Variants in PHTF2 observed in about 807,000 individuals in gnomAD.
PHTF2 encodes putative homeodomain transcription factor 2.
In PHTF2, 60 loss-of-function variants were observed where a neutral mutation model predicts 101.2. That is an observed-to-expected ratio of 0.59 (90% CI 0.48 to 0.73). The LOEUF (loss-of-function observed/expected upper bound fraction) is 0.73. Among genes scored for constraint, PHTF2 ranks in the 30% least tolerant of loss-of-function variants. PHTF2 has a pLI of 0.00. For missense variants in PHTF2, 747 were observed against 908.7 expected, an observed-to-expected ratio of 0.82 and a Z score of 2.29; for synonymous variants, 311 against 307.3, an observed-to-expected ratio of 1.01 and a Z score of -0.13.
At chr7:77,863,546 A>G (rs976987520) in intron 3 of PHTF2, among the ~76,000 whole-genome samples, 3 of 152,148 alleles carry the variant, frequency 2.0e-5, no homozygotes, top group African/African-American at 7.2e-5. Context: ...AGTTTTACCT[A>G]TAGAGATTGA....
intron 3 of PHTF2, among the ~76,000 whole-genome samples, chr7:77,857,973 C>T (rs1228236736): frequency 6.6e-6 from 1 of 152,136 alleles, no homozygotes; most frequent in Non-Finnish European, 1.5e-5. Flanking sequence ...AATGAAAAAT[C>T]TGAAATACTA....
chr7:77,841,074 A>ATTTTTTTTTTTTT (rs1562863302), intron 2 of PHTF2, among the ~76,000 whole-genome samples: 24 of 51,390 alleles, frequency 4.7e-4, no homozygotes, highest in African/African-American at 7.4e-4. Context: ...GAAAAAACAG[A>ATTTTTTTTTTTTT]CTTTTTTTTT....
intron 2 of PHTF2, 30 bp downstream of exon 2, chr7:77,840,330 C>G: frequency 6.8e-7 from 1 of 1,460,982 alleles, no homozygotes; most frequent in Non-Finnish European, 9.6e-7. Context: ...TTTTAGCTTT[C>G]TAAATGTTTG....
At chr7:77,878,503 C>G (rs938781497) in intron 3 of PHTF2, among the ~76,000 whole-genome samples, 3 of 151,948 alleles carry the variant, frequency 2.0e-5, no homozygotes, top group African/African-American at 7.3e-5. Context: ...TGACCTCTGG[C>G]TACATGACTC....
intron 3 of PHTF2, among the ~76,000 whole-genome samples, chr7:77,865,762 A>G (rs1030213041): frequency 3.9e-5 from 6 of 152,096 alleles, no homozygotes; most frequent in Non-Finnish European, 7.3e-5. Context: ...TTAAACTTCT[A>G]ATTTATATAG....
chr7:77,862,694 T>C (rs1378605668), intron 3 of PHTF2, among the ~76,000 whole-genome samples: 17 of 152,234 alleles, frequency 1.1e-4, no homozygotes, highest in Admixed American at 1.1e-3. Flanking sequence ...TTTCATTTTT[T>C]GATGAATAGG....
At chr7:77,838,163 G>A (rs543992950) in intron 1 of PHTF2, among the ~76,000 whole-genome samples, 48 of 152,270 alleles carry the variant, frequency 3.2e-4, no homozygotes, top group Admixed American at 3.1e-3. Context: ...AGCAAAATCA[G>A]TGGGGCAAAC....
At chr7:77,920,551 CTAAG>C (rs1803357421) in intron 10 of PHTF2, 86 bp downstream of exon 9, 10 of 902,424 alleles carry the variant, frequency 1.1e-5, no homozygotes, top group Admixed American at 7.2e-5. Context: ...TGCCCTTGAA[CTAAG>C]TATTTTCTCC....
intron 3 of PHTF2, among the ~76,000 whole-genome samples, chr7:77,875,970 C>G (rs993230410): frequency 6.6e-6 from 1 of 152,118 alleles, no homozygotes; most frequent in Non-Finnish European, 1.5e-5. Flanking sequence ...CTGCTATTAT[C>G]CTGATTTTAT....
At chr7:77,841,469 T>A (rs1795882766) in intron 2 of PHTF2, among the ~76,000 whole-genome samples, 2 of 152,162 alleles carry the variant, frequency 1.3e-5, no homozygotes, top group Non-Finnish European at 2.9e-5. Context: ...ATGGCCTTTT[T>A]AAAAATATTT....
intron 3 of PHTF2, among the ~76,000 whole-genome samples, chr7:77,872,724 G>C (rs550985711): frequency 6.6e-6 from 1 of 152,274 alleles, no homozygotes; most frequent in African/African-American, 2.4e-5. Flanking sequence ...TAGTTCACAA[G>C]GCATTGGTCA....
At chr7:77,920,566 A>G in intron 10 of PHTF2, 101 bp downstream of exon 9, 2 of 795,476 alleles carry the variant, frequency 2.5e-6, no homozygotes, top group Non-Finnish European at 2.1e-6. Flanking sequence ...TATTTTCTCC[A>G]GAATTAATTC....
intron 3 of PHTF2, among the ~76,000 whole-genome samples, chr7:77,886,711 A>G (rs1489313349): frequency 6.6e-6 from 1 of 152,146 alleles, no homozygotes; most frequent in Non-Finnish European, 1.5e-5. Flanking sequence ...CTGGTTTATA[A>G]AAGTAGTACA....
At chr7:77,808,666 T>C (rs1793176986) in intron 1 of PHTF2, among the ~76,000 whole-genome samples, 1 of 152,214 alleles carries the variant, frequency 6.6e-6, no homozygotes, top group Admixed American at 6.5e-5. Context: ...TGCAGCTCTC[T>C]CCTCTTTGGA....
chr7:77,880,359 A>G (rs1486646065), intron 3 of PHTF2, among the ~76,000 whole-genome samples: 1 of 152,174 alleles, frequency 6.6e-6, no homozygotes, highest in African/African-American at 2.4e-5. Flanking sequence ...CTTTTAAGAC[A>G]TCAGTCCCCA....
At chr7:77,900,580 TG>T in intron 5 of PHTF2, 130 bp from the exon 5 acceptor site, 1 of 655,354 alleles carries the variant, frequency 1.5e-6, no homozygotes, top group Admixed American at 2.3e-5. Context: ...TTGTAACAAA[TG>T]CATAATGTGT....
intron 18 of PHTF2, among the ~76,000 whole-genome samples, chr7:77,953,283 T>G (rs1033704566): frequency 6.6e-6 from 1 of 152,192 alleles, no homozygotes; most frequent in Non-Finnish European, 1.5e-5. Flanking sequence ...AATCTTAACT[T>G]CCCAGAGCCT....
At chr7:77,891,139 G>A (rs1800366532) in intron 3 of PHTF2, among the ~76,000 whole-genome samples, 1 of 151,424 alleles carries the variant, frequency 6.6e-6, no homozygotes, top group Admixed American at 6.6e-5. Flanking sequence ...AAACTCCTGG[G>A]CTCAAGCAAT....
intron 3 of PHTF2, among the ~76,000 whole-genome samples, chr7:77,865,919 C>T (rs919501342): frequency 6.6e-6 from 1 of 152,010 alleles, no homozygotes; most frequent in Non-Finnish European, 1.5e-5. Flanking sequence ...CTCGGTGGCT[C>T]ATGCCTGTAA....
Sources: gnomAD v4.1 joint callset for allele counts (sites outside exome capture counted in the v4.1 genomes callset) on GRCh38, gnomAD v4.1.1 for gene constraint, MANE v1.5 for transcripts, NCBI Gene and HGNC (gene_info 2026-07-23, HGNC 2026-07-21) for gene names.